Variants in SNX29 observed in about 807,000 individuals in gnomAD.
The protein encoded by SNX29 is sorting nexin-29.
Under a neutral mutation model 102.1 loss-of-function variants are expected in SNX29, and 78 were observed. The observed-to-expected ratio is 0.76, with a 90% CI of 0.64 to 0.92. The LOEUF (loss-of-function observed/expected upper bound fraction) is 0.92. Ranked by LOEUF, SNX29 falls within the 40% of genes least tolerant of loss-of-function variation. SNX29 has a pLI of 0.00. For missense variants in SNX29, 1,280 were observed against 1,061.7 expected (o/e 1.21, Z -2.86); for synonymous variants, 580 against 414.5 (o/e 1.40, Z -4.85).
intron 13 of SNX29, among the ~76,000 whole-genome samples, chr16:12,195,091 A>G (rs147562723): frequency 2.0e-5 from 3 of 152,380 alleles, no homozygotes; most frequent in East Asian, 3.9e-4. Flanking sequence ...GTAAATAGAT[A>G]TAAGGGGTTA....
intron 18 of SNX29, among the ~76,000 whole-genome samples, chr16:12,450,926 C>A (rs2086274728): frequency 6.6e-6 from 1 of 152,118 alleles, no homozygotes; most frequent in African/African-American, 2.4e-5. Context: ...GATACAGCAT[C>A]CCCCTGCTTG....
At chr16:12,512,122 G>A (rs918249597) in intron 19 of SNX29, among the ~76,000 whole-genome samples, 1 of 151,630 alleles carries the variant, frequency 6.6e-6, no homozygotes, top group Non-Finnish European at 1.5e-5. Context: ...CTGGCTTCGT[G>A]GTACAGGCAG....
chr16:12,508,483 A>G (rs2089471863), intron 19 of SNX29, among the ~76,000 whole-genome samples: 1 of 152,170 alleles, frequency 6.6e-6, no homozygotes, highest in Admixed American at 6.5e-5. Context: ...TTTGATCTGC[A>G]CTGTGATATT....
At chr16:12,131,931 T>C (rs1026733598) in intron 13 of SNX29, among the ~76,000 whole-genome samples, 5 of 152,222 alleles carry the variant, frequency 3.3e-5, no homozygotes, top group Non-Finnish European at 7.3e-5. Flanking sequence ...ATGACTGTTA[T>C]AAATAGTGTA....
chr16:12,312,260 C>T (rs567279375), intron 15 of SNX29, among the ~76,000 whole-genome samples: 48 of 152,334 alleles, frequency 3.2e-4, no homozygotes, highest in African/African-American at 9.6e-4. Context: ...CCTGCACTTC[C>T]ATCTAGCACA....
At chr16:12,172,047 C>A (rs1014909484) in intron 13 of SNX29, among the ~76,000 whole-genome samples, 5 of 152,164 alleles carry the variant, frequency 3.3e-5, no homozygotes, top group African/African-American at 1.2e-4. Context: ...ACTTATTTTT[C>A]TAAATTACAC....
chr16:12,294,745 G>T (rs1369785406), intron 15 of SNX29, among the ~76,000 whole-genome samples: 1 of 152,184 alleles, frequency 6.6e-6, no homozygotes, highest in African/African-American at 2.4e-5. Flanking sequence ...CTGTCACTTG[G>T]CTGAGAACTA....
intron 7 of SNX29, among the ~76,000 whole-genome samples, chr16:12,051,343 A>AT (rs1359240162): frequency 6.6e-6 from 1 of 151,268 alleles, no homozygotes; most frequent in Non-Finnish European, 1.5e-5. Flanking sequence ...AAAAAAAAAA[A>AT]AAAAAGCAGA....
rs368496258 is a variant in SNX29, at chr16:12,350,679, A to C, written c.1783-5484A>C. On this transcript the variant is annotated intron_variant, in intron 15 of 20. Coordinates refer to ENST00000566228, the MANE Select transcript of SNX29 (RefSeq NM_032167.5). ...GAGGAAGAGGAAAACTGTTTCCTAC[A>C]AGTAGGGAATGGCCCAACTGCCGTT... Among the ~76,000 whole-genome samples, 20 of 152,342 alleles carry C rather than the reference A, an allele frequency of 1.3e-4. No homozygotes were observed. In the East Asian group the frequency reaches 3.7e-3, roughly 28 times the overall value.
At chr16:11,995,478 A>T (rs1458424323) in intron 1 of SNX29, among the ~76,000 whole-genome samples, 2 of 152,094 alleles carry the variant, frequency 1.3e-5, no homozygotes, top group Non-Finnish European at 2.9e-5. Flanking sequence ...ACAGCCAGGA[A>T]GTGTGAGCCT....
In SNX29 at chr16:12,571,813, G is replaced by A. The variant is rs1276372918; in HGVS notation, c.*3184G>A. On this transcript the variant is annotated 3_prime_UTR_variant, in exon 21 of 21. Coordinates refer to ENST00000566228, the MANE Select transcript of SNX29 (RefSeq NM_032167.5). Reference sequence around the variant, plus strand: ...TTCCTGCAATCAGTGTGAAATTCCAGCTTCTTTGATTCCCACTTAGCAGTA... The same window carrying A: ...TTCCTGCAATCAGTGTGAAATTCCAACTTCTTTGATTCCCACTTAGCAGTA... 3.9e-6 allele frequency: 4 copies of A among 1,033,452 alleles called. No homozygotes were observed. The highest frequency in any genetic ancestry group is 5.4e-5 in the Admixed American group (1 of 18,564). 64.0% of individuals were successfully genotyped at this position (1,033,452 alleles called of 1,614,324 possible). A position where few individuals can be genotyped will look rare whatever the true frequency, so the allele number is the denominator to read the frequency against.
At chr16:12,478,133 C>T (rs188444934) in intron 19 of SNX29, among the ~76,000 whole-genome samples, 25 of 152,302 alleles carry the variant, frequency 1.6e-4, no homozygotes, top group African/African-American at 6.0e-4. Context: ...ATATGTTTGG[C>T]TTTGGGGACT....
At chr16:11,992,609 C>G (rs2055897096) in intron 1 of SNX29, among the ~76,000 whole-genome samples, 1 of 152,100 alleles carries the variant, frequency 6.6e-6, no homozygotes, top group African/African-American at 2.4e-5. Context: ...TGGTCCCCAC[C>G]AGGATGACAG....
Position 12,569,508 on chromosome 16 carries a change from C to G in SNX29, c.*879C>G, listed in dbSNP as rs747439574. ...GCAGAAGGTTCCAGGGTTTTCAAAC[C>G]AGGCTCCATGACTATGAAGTTGGAC... On this transcript the variant is annotated 3_prime_UTR_variant, in exon 21 of 21. Transcript: ENST00000566228. 57 of 231,658 alleles carry G rather than the reference C, an allele frequency of 2.5e-4. No homozygotes were observed. The highest frequency in any genetic ancestry group is 4.0e-4 in the Non-Finnish European group (47 of 117,154). The allele number at this position is 231,658 out of a possible 1,614,324, so 14.4% of individuals were successfully genotyped here. A position where few individuals can be genotyped will look rare whatever the true frequency, so the allele number is the denominator to read the frequency against.
chr16:12,483,110 T>C (rs1467550008), intron 19 of SNX29, among the ~76,000 whole-genome samples: 1 of 140,088 alleles, frequency 7.1e-6, no homozygotes, highest in Non-Finnish European at 1.5e-5. Flanking sequence ...ATTGAAGTTA[T>C]TAAGTTTTTT....
chr16:12,326,479 T>C (rs183186300), intron 15 of SNX29, among the ~76,000 whole-genome samples: 1 of 152,168 alleles, frequency 6.6e-6, no homozygotes, highest in Admixed American at 6.5e-5. Flanking sequence ...ACATGTCCGG[T>C]GTGATGGCCA....
intron 18 of SNX29, among the ~76,000 whole-genome samples, chr16:12,469,010 C>A (rs1270359375): frequency 6.6e-6 from 1 of 152,224 alleles, no homozygotes; most frequent in Non-Finnish European, 1.5e-5. Flanking sequence ...CCTCAGTTCT[C>A]TCCGAGACAC....
chr16:12,399,874 G>A (rs1012528347), intron 17 of SNX29, among the ~76,000 whole-genome samples: 1 of 152,122 alleles, frequency 6.6e-6, no homozygotes, highest in Non-Finnish European at 1.5e-5. Context: ...GAACGGCAGA[G>A]TCCGGCGGAG....
At chr16:12,421,741 A>C (rs1040821764) in intron 18 of SNX29, among the ~76,000 whole-genome samples, 2 of 152,124 alleles carry the variant, frequency 1.3e-5, no homozygotes, top group Admixed American at 1.3e-4. Context: ...AATCAGAAGC[A>C]TCACCATCAT....
Sources: gnomAD v4.1 joint callset for allele counts (sites outside exome capture counted in the v4.1 genomes callset) on GRCh38, gnomAD v4.1.1 for gene constraint, MANE v1.5 for transcripts, NCBI Gene and HGNC (gene_info 2026-07-23, HGNC 2026-07-21) for gene names.